The following SMOC1 variants were observed in gnomAD, a reference collection of about 807,000 sequenced individuals.
The protein encoded by SMOC1 is SPARC related modular calcium binding 1.
SMOC1 carries 22 observed loss-of-function variants against 56.3 expected under a neutral mutation model. That is an observed-to-expected ratio of 0.39 (90% CI 0.28 to 0.56). The LOEUF (loss-of-function observed/expected upper bound fraction) is 0.56, where lower values mean the gene tolerates loss of function less well. SMOC1 is among the 20% of genes least tolerant of loss of function. The pLI, the probability that SMOC1 is intolerant of heterozygous loss-of-function variation, is 0.61. For synonymous variants in SMOC1, 193 were observed against 215.0 expected (o/e 0.90, Z 0.89); for missense variants, 509 against 565.4 (o/e 0.90, Z 1.01).
chr14:69,880,035 C>A (rs1388221785), intron 1 of SMOC1, among the ~76,000 whole-genome samples: 1 of 152,184 alleles, frequency 6.6e-6, no homozygotes, highest in Non-Finnish European at 1.5e-5. Context: ...CTTTCCCAAT[C>A]TCTTCTCTCC....
chr14:69,912,397 C>A (rs895128773), intron 1 of SMOC1, among the ~76,000 whole-genome samples: 1 of 152,134 alleles, frequency 6.6e-6, no homozygotes, highest in South Asian at 2.1e-4. Context: ...TAAAGGCATG[C>A]ACCACTACAC....
intron 4 of SMOC1, among the ~76,000 whole-genome samples, chr14:69,976,897 G>A (rs1475925356): frequency 1.3e-5 from 2 of 152,160 alleles, no homozygotes; most frequent in African/African-American, 2.4e-5. Context: ...AAAGAAAGTG[G>A]AAAGGGCTAT....
At chr14:69,930,209 T>C (rs374460098) in intron 1 of SMOC1, among the ~76,000 whole-genome samples, 711 of 128,310 alleles carry the variant, frequency 5.5e-3, no homozygotes, top group African/African-American at 0.025. Context: ...AGCACCCTTC[T>C]CACCCCCCTG....
chr14:70,005,447 C>T (rs1366229062), intron 7 of SMOC1, among the ~76,000 whole-genome samples: 1 of 152,154 alleles, frequency 6.6e-6, no homozygotes, highest in Non-Finnish European at 1.5e-5. Context: ...TCTGGTCCAA[C>T]CTCTTTTTTC....
chr14:69,994,469 T>A lies in SMOC1; in HGVS notation c.653T>A (p.Ile218Lys), dbSNP rs1424595943. 2 of 1,612,974 alleles carry A rather than the reference T, an allele frequency of 1.2e-6. No homozygotes were observed. Among genetic ancestry groups the A allele is most frequent in the South Asian group, 2.2e-5 (2 of 91,046 alleles). ...IKDSKLNNTN[I>K]RNSEKVYSCD... ...GACTCCAAACTGAACAACACCAACA[T>A]AAGAAATTCAGGTAAATAACCTTCC... The change falls in exon 7 of 12, where the codon ATA (isoleucine) becomes AAA (lysine). Residue 218 changes from isoleucine (I) to lysine (K), a missense_variant. Ile to Lys is a moderately radical substitution (Grantham distance 102). Coordinates refer to ENST00000361956, the MANE Select transcript of SMOC1 (RefSeq NM_001034852.3).
At chr14:69,902,486 G>A (rs185823379) in intron 1 of SMOC1, among the ~76,000 whole-genome samples, 1 of 152,274 alleles carries the variant, frequency 6.6e-6, no homozygotes, top group East Asian at 1.9e-4. Context: ...TCTTGAAGGT[G>A]GTGGGAGTGA....
At chr14:70,011,370 C>T in intron 8 of SMOC1, 115 bp from the exon 9 acceptor site, 1 of 993,662 alleles carries the variant, frequency 1.0e-6, no homozygotes. Context: ...TATCGTTCTG[C>T]CCACCCTCAG....
chr14:70,012,655 C>G (rs1386019465), intron 9 of SMOC1, among the ~76,000 whole-genome samples: 4 of 152,100 alleles, frequency 2.6e-5, no homozygotes, highest in African/African-American at 9.6e-5. Flanking sequence ...TGTAGAGGGC[C>G]CATTTGGTGC....
At chr14:69,992,212 C>T (rs1884590524) in intron 5 of SMOC1, among the ~76,000 whole-genome samples, 1 of 152,186 alleles carries the variant, frequency 6.6e-6, no homozygotes, top group African/African-American at 2.4e-5. Context: ...TGAACACACA[C>T]CTGGATTTGT....
At chr14:69,897,309 C>T (rs1272967193) in intron 1 of SMOC1, among the ~76,000 whole-genome samples, 1 of 152,226 alleles carries the variant, frequency 6.6e-6, no homozygotes, top group Non-Finnish European at 1.5e-5. Flanking sequence ...GGGATATTTC[C>T]AGATAAGGTG....
intron 3 of SMOC1, among the ~76,000 whole-genome samples, chr14:69,967,560 G>T (rs1336315285): frequency 1.3e-5 from 2 of 152,204 alleles, no homozygotes; most frequent in Admixed American, 1.3e-4. Flanking sequence ...GAAGCCAAAA[G>T]ATTGGACACC....
chr14:69,995,402 G>A (rs61977402), intron 7 of SMOC1, among the ~76,000 whole-genome samples: 8,879 of 152,298 alleles, frequency 0.058, 346 homozygotes, highest in Non-Finnish European at 0.086. Flanking sequence ...CATCAGTTGA[G>A]TTCCTCTGTG....
At chr14:70,022,814 G>T (rs576544101) in intron 10 of SMOC1, among the ~76,000 whole-genome samples, 3 of 152,254 alleles carry the variant, frequency 2.0e-5, no homozygotes, top group Non-Finnish European at 4.4e-5. Flanking sequence ...ATGTTTACGT[G>T]TAATGAGCAG....
chr14:70,011,683 A>G (rs1885347503), intron 9 of SMOC1, 116 bp downstream of exon 9: 2 of 975,376 alleles, frequency 2.1e-6, no homozygotes, highest in South Asian at 2.7e-5. Flanking sequence ...AGATGGAGCC[A>G]GGAGCCGTGG....
At chr14:69,910,364 C>T (rs1177372382) in intron 1 of SMOC1, among the ~76,000 whole-genome samples, 1 of 152,164 alleles carries the variant, frequency 6.6e-6, no homozygotes, top group Non-Finnish European at 1.5e-5. Flanking sequence ...CTTAATAGCA[C>T]AGCACAGCAA....
intron 1 of SMOC1, among the ~76,000 whole-genome samples, chr14:69,932,950 C>T (rs1885205399): frequency 6.6e-6 from 1 of 152,162 alleles, no homozygotes; most frequent in South Asian, 2.1e-4. Context: ...TTTAAAATTT[C>T]TTGAAGACAT....
At chr14:69,952,081 G>T in intron 1 of SMOC1, 57 bp from the exon 2 acceptor site, 1 of 1,583,620 alleles carries the variant, frequency 6.3e-7, no homozygotes, top group Admixed American at 1.7e-5. Context: ...TCATGGACTC[G>T]CCCCTACTTT....
At chr14:69,992,388 C>T (rs1485608279) in intron 5 of SMOC1, 29 bp from the exon 6 acceptor site, 1 of 1,613,196 alleles carries the variant, frequency 6.2e-7, no homozygotes. Context: ...TGGTAGTCTC[C>T]TTTCGATTCT....
chr14:69,993,052 G>C (rs1303520527), intron 6 of SMOC1, among the ~76,000 whole-genome samples: 1 of 152,188 alleles, frequency 6.6e-6, no homozygotes, highest in African/African-American at 2.4e-5. Context: ...TCTTGAAAGT[G>C]GTGGGGAGGA....
Sources: gnomAD v4.1 joint callset for allele counts (sites outside exome capture counted in the v4.1 genomes callset) on GRCh38, gnomAD v4.1.1 for gene constraint, MANE v1.5 for transcripts, NCBI Gene and HGNC (gene_info 2026-07-23, HGNC 2026-07-21) for gene names.